EYS: variants seen among roughly 807,000 people sequenced by gnomAD.
EYS encodes protein eyes shut homolog.
In EYS, 250 loss-of-function variants were observed where a neutral mutation model predicts 282.1. The observed-to-expected ratio is 0.89, with a 90% CI of 0.80 to 0.98. EYS has a LOEUF of 0.98. Ranked by LOEUF, EYS falls within the 50% of genes least tolerant of loss-of-function variation. EYS has a pLI of 0.00. For synonymous variants in EYS, 1,355 were observed against 1,282.9 expected (o/e 1.06, Z -1.20); for missense variants, 4,016 against 3,709.0 (o/e 1.08, Z -2.15).
chr6:65,388,746 C>A (rs1765893441), intron 7 of EYS, among the ~76,000 whole-genome samples: 1 of 151,910 alleles, frequency 6.6e-6, no homozygotes, highest in East Asian at 1.9e-4. Context: ...ATGGCATTGG[C>A]AGAGGAATAA....
At chr6:64,157,168 T>C (rs1774955877) in intron 31 of EYS, among the ~76,000 whole-genome samples, 1 of 151,670 alleles carries the variant, frequency 6.6e-6, no homozygotes, top group Non-Finnish European at 1.5e-5. Context: ...CTTGCGATAG[T>C]TTACTGAGAA....
chr6:64,320,034 T>A (rs764049118), intron 29 of EYS, among the ~76,000 whole-genome samples: 18 of 152,138 alleles, frequency 1.2e-4, no homozygotes, highest in Non-Finnish European at 2.4e-4. Context: ...AAAATGTCAT[T>A]AATTCATACT....
In EYS at chr6:64,175,567, G is replaced by C. The variant is rs1246837026; in HGVS notation, c.6424+55025C>G. Among the ~76,000 whole-genome samples, 3 of 152,158 alleles carry C rather than the reference G, an allele frequency of 2.0e-5. No individual in the cohort carries two copies. The East Asian group carries it at 5.8e-4, about 29-fold the overall frequency. On this transcript the variant is annotated intron_variant, in intron 31 of 42. Transcript: ENST00000503581. ...TTCATTCACTGGCTTCTGTCTCTTT[G>C]TGGTGAGACTGTTAGTTTCCCTACA... is the stretch of plus-strand genomic sequence containing the variant.
chr6:64,184,879 C>T (rs946186732), intron 31 of EYS, among the ~76,000 whole-genome samples: 10 of 148,088 alleles, frequency 6.8e-5, no homozygotes, highest in Non-Finnish European at 1.0e-4. Context: ...ATGTAAATAA[C>T]ATTGCTATGG....
intron 12 of EYS, among the ~76,000 whole-genome samples, chr6:65,112,104 C>T (rs1054228775): frequency 6.6e-6 from 1 of 152,104 alleles, no homozygotes; most frequent in Non-Finnish European, 1.5e-5. Context: ...TGCTTTCCAT[C>T]ATAGCATGCT....
chr6:65,455,310 A>C (rs1764559668), intron 5 of EYS, among the ~76,000 whole-genome samples: 1 of 152,124 alleles, frequency 6.6e-6, no homozygotes, highest in South Asian at 2.1e-4. Context: ...GTTCACTCTT[A>C]GTGTATACAC....
chr6:65,646,288 C>G (rs9363412), intron 1 of EYS, among the ~76,000 whole-genome samples: 7,498 of 152,080 alleles, frequency 0.049, 408 homozygotes, highest in East Asian at 0.3. Flanking sequence ...AAAATACTAG[C>G]TAATGAAATG....
intron 12 of EYS, among the ~76,000 whole-genome samples, chr6:65,185,970 A>G (rs2150236483): frequency 9.2e-6 from 1 of 108,986 alleles, no homozygotes; most frequent in South Asian, 3.3e-4. Flanking sequence ...TTTTGTCAGA[A>G]GTAAGTTATT....
chr6:64,116,176 T>C (rs187459685), intron 31 of EYS, among the ~76,000 whole-genome samples: 23 of 152,148 alleles, frequency 1.5e-4, no homozygotes, highest in African/African-American at 5.3e-4. Context: ...AAGACTTGAC[T>C]TCTGTGGACC....
At chr6:65,585,358 G>T (rs116005738) in intron 2 of EYS, among the ~76,000 whole-genome samples, 4,003 of 151,802 alleles carry the variant, frequency 0.026, 153 homozygotes, top group African/African-American at 0.084. Context: ...AAACAGACTG[G>T]CTCATTTTCA....
chr6:64,219,902 A>G (rs1766044943), intron 31 of EYS, among the ~76,000 whole-genome samples: 2 of 142,052 alleles, frequency 1.4e-5, no homozygotes, highest in Non-Finnish European at 3.2e-5. Flanking sequence ...GAAGCTGGAA[A>G]CCATCATTCT....
At chr6:64,415,426 T>C (rs941896832) in intron 28 of EYS, among the ~76,000 whole-genome samples, 3 of 152,208 alleles carry the variant, frequency 2.0e-5, no homozygotes, top group Admixed American at 6.5e-5. Context: ...TTCCCAGTCA[T>C]GGCATCACTG....
intron 12 of EYS, among the ~76,000 whole-genome samples, chr6:65,143,046 G>A (rs534148369): frequency 6.6e-6 from 1 of 151,976 alleles, no homozygotes; most frequent in Non-Finnish European, 1.5e-5. Context: ...TATCCAGGAG[G>A]GGAAAAATGT....
At chr6:64,586,115 T>C (rs1414977651) in intron 26 of EYS, among the ~76,000 whole-genome samples, 19 of 152,038 alleles carry the variant, frequency 1.2e-4, no homozygotes, top group Non-Finnish European at 2.1e-4. Context: ...GTAGGGTCGT[T>C]AGGAGGTGTT....
At chr6:63,794,060 G>T (rs1770582241) in intron 37 of EYS, among the ~76,000 whole-genome samples, 2 of 152,186 alleles carry the variant, frequency 1.3e-5, no homozygotes, top group South Asian at 2.1e-4. Flanking sequence ...GTCTGACTGT[G>T]GTTGTGCCCC....
intron 9 of EYS, among the ~76,000 whole-genome samples, chr6:65,347,919 T>C (rs1238154852): frequency 6.6e-6 from 1 of 151,590 alleles, no homozygotes; most frequent in Non-Finnish European, 1.5e-5. Flanking sequence ...TTCTACTCTC[T>C]ATCTGTAGGA....
chr6:65,697,909 T>C (rs1184176689), intron 1 of EYS, among the ~76,000 whole-genome samples: 1 of 152,118 alleles, frequency 6.6e-6, no homozygotes, highest in African/African-American at 2.4e-5. Context: ...ATATGTGACA[T>C]TTCAAAACTG....
At chr6:64,991,516 T>C (rs1451019930) in intron 14 of EYS, among the ~76,000 whole-genome samples, 3 of 151,630 alleles carry the variant, frequency 2.0e-5, no homozygotes, top group Non-Finnish European at 4.4e-5. Context: ...TTTAATATGC[T>C]CATAATGATT....
intron 26 of EYS, among the ~76,000 whole-genome samples, chr6:64,554,166 C>A (rs189856687): frequency 6.6e-6 from 1 of 152,128 alleles, no homozygotes; most frequent in African/African-American, 2.4e-5. Context: ...AAAAATTCAA[C>A]TTTCAAATGG....
Sources: gnomAD v4.1 joint callset for allele counts (sites outside exome capture counted in the v4.1 genomes callset) on GRCh38, gnomAD v4.1.1 for gene constraint, MANE v1.5 for transcripts, NCBI Gene and HGNC (gene_info 2026-07-23, HGNC 2026-07-21) for gene names.